Variants in DCC observed in about 807,000 individuals in gnomAD.
DCC encodes the protein DCC netrin 1 receptor.
In DCC, 58 loss-of-function variants were observed where a neutral mutation model predicts 172.5. The ratio of observed to expected loss-of-function variants is 0.34; its 90% CI spans 0.27 to 0.42. The LOEUF (loss-of-function observed/expected upper bound fraction) is 0.42, where lower values mean the gene tolerates loss of function less well. Ranked by LOEUF, DCC falls within the 10% of genes least tolerant of loss-of-function variation. The pLI, the probability that DCC is intolerant of heterozygous loss-of-function variation, is 1.00. For synonymous variants in DCC, 709 were observed against 644.5 expected (o/e 1.10, Z -1.52); for missense variants, 1,740 against 1,791.0 (o/e 0.97, Z 0.51).
intron 1 of DCC, among the ~76,000 whole-genome samples, chr18:52,450,421 T>C (rs186562570): frequency 1.3e-5 from 2 of 152,360 alleles, no homozygotes; most frequent in South Asian, 2.1e-4. Context: ...ACCATCCATG[T>C]AGTTTGTTCT....
chr18:52,786,439 A>C (rs9941425), intron 2 of DCC, among the ~76,000 whole-genome samples: 6,561 of 152,200 alleles, frequency 0.043, 220 homozygotes, highest in South Asian at 0.16. Flanking sequence ...CATAACTTTT[A>C]TCTCTCCAGT....
chr18:52,426,759 A>T, intron 1 of DCC, among the ~76,000 whole-genome samples: 1 of 150,702 alleles, frequency 6.6e-6, no homozygotes, highest in Non-Finnish European at 1.5e-5. Context: ...GCAATTTTAT[A>T]TTACTTTTTC....
rs150514500 is a variant in DCC, at chr18:53,180,874, A to G, written c.1573+1758A>G. Reference sequence around the variant, plus strand: ...GTGATCCCCCTGCCTCGGCCTCCCAATGTGCTAGGATTACAGGCAGGAGCC... The same window carrying G: ...GTGATCCCCCTGCCTCGGCCTCCCAGTGTGCTAGGATTACAGGCAGGAGCC... On this transcript the variant is annotated intron_variant, in intron 9 of 28. Transcript: ENST00000442544. 3.9e-4 allele frequency among the ~76,000 whole-genome samples: 59 copies of G among 152,188 alleles called. No homozygotes were observed. The East Asian group carries it at 0.01, about 27-fold the overall frequency.
At chr18:52,387,457 C>T (rs1985845641) in intron 1 of DCC, among the ~76,000 whole-genome samples, 1 of 152,112 alleles carries the variant, frequency 6.6e-6, no homozygotes, top group Non-Finnish European at 1.5e-5. Flanking sequence ...CAGCAATCTC[C>T]TTCTGCAAGC....
intron 2 of DCC, among the ~76,000 whole-genome samples, chr18:52,837,210 T>A (rs2038722358): frequency 6.6e-6 from 1 of 152,196 alleles, no homozygotes; most frequent in Non-Finnish European, 1.5e-5. Context: ...TGGTAGGATC[T>A]GCTGTGAAGT....
intron 12 of DCC, among the ~76,000 whole-genome samples, chr18:53,301,344 C>T (rs1157823447): frequency 6.6e-6 from 1 of 152,030 alleles, no homozygotes; most frequent in Non-Finnish European, 1.5e-5. Flanking sequence ...CTGCCTCGGC[C>T]TCCCAAAGTG....
chr18:53,254,364 G>A (rs1198658142), intron 12 of DCC, among the ~76,000 whole-genome samples: 2 of 151,944 alleles, frequency 1.3e-5, no homozygotes, highest in African/African-American at 4.8e-5. Flanking sequence ...CTCTGGGATG[G>A]TATCAACCCC....
chr18:53,027,825 A>ATT (rs567058002), intron 5 of DCC, among the ~76,000 whole-genome samples: 16 of 149,392 alleles, frequency 1.1e-4, no homozygotes, highest in African/African-American at 3.7e-4. Flanking sequence ...AAGAGCAGTT[A>ATT]TTTTTTTTTT....
In DCC at chr18:53,150,058, T is replaced by G. The variant is rs77818743; in HGVS notation, c.1262-7298T>G. ...CACACCTACTTTGTTTGGCACAATG[T>G]AGAAAGCTTGCCACCAGGGCTTCCT... On this transcript the variant is annotated intron_variant, in intron 7 of 28. Coordinates refer to ENST00000442544, the MANE Select transcript of DCC (RefSeq NM_005215.4). Among the ~76,000 whole-genome samples the G allele has an allele frequency of 5.6e-3, 859 of 152,304 alleles. 6 individuals carry two copies. The highest frequency in any genetic ancestry group is 0.023 in the Admixed American group (352 of 15,300).
intron 1 of DCC, among the ~76,000 whole-genome samples, chr18:52,360,255 G>T (rs1466629508): frequency 6.6e-6 from 1 of 152,190 alleles, no homozygotes; most frequent in East Asian, 1.9e-4. Flanking sequence ...AAATGTCACA[G>T]TTTTCACTAA....
intron 1 of DCC, among the ~76,000 whole-genome samples, chr18:52,440,580 C>G (rs914377446): frequency 6.6e-6 from 1 of 152,168 alleles, no homozygotes; most frequent in Non-Finnish European, 1.5e-5. Context: ...CAGTAAATGC[C>G]TCACACAATG....
intron 7 of DCC, among the ~76,000 whole-genome samples, chr18:53,101,829 T>A (rs10469018): frequency 3.0e-5 from 2 of 65,834 alleles, no homozygotes; most frequent in South Asian, 4.0e-4. Flanking sequence ...GTGTGTGTAT[T>A]TGTGTGTGTG....
At chr18:53,408,066 A>T (rs149268774) in intron 19 of DCC, among the ~76,000 whole-genome samples, 1 of 152,238 alleles carries the variant, frequency 6.6e-6, no homozygotes, top group Non-Finnish European at 1.5e-5. Flanking sequence ...TTCATCATTG[A>T]CATCACAACA....
chr18:52,584,080 G>A (rs573092897), intron 1 of DCC, among the ~76,000 whole-genome samples: 8 of 152,146 alleles, frequency 5.3e-5, no homozygotes, highest in Non-Finnish European at 1.0e-4. Context: ...GGATCTGAAG[G>A]TTGCAGTAAT....
In DCC at chr18:53,467,956, C is replaced by T. The variant is rs771557879; in HGVS notation, c.3682C>T (p.Arg1228Ter). Reference sequence around the variant, plus strand: ...TCTGGAGAGGTCGCTGGCTGCACGCCGAGCCCCCCGGGCCAAGCTCATGAT... The same window carrying T: ...TCTGGAGAGGTCGCTGGCTGCACGCTGAGCCCCCCGGGCCAAGCTCATGAT... ...STLERSLAAR[R>*]APRAKLMIPM... Residue 1228 changes from arginine to a stop codon, truncating the protein, a stop_gained, in exon 25 of 29, where the codon CGA becomes TGA. Transcript: ENST00000442544. LOFTEE classifies it high-confidence loss of function. 1.2e-6 allele frequency: 2 copies of T among 1,613,000 alleles called. No homozygotes were observed. The highest frequency in any genetic ancestry group is 1.7e-5 in the Admixed American group (1 of 59,990).
intron 5 of DCC, among the ~76,000 whole-genome samples, chr18:53,019,374 G>C (rs1317654071): frequency 6.6e-6 from 1 of 152,084 alleles, no homozygotes; most frequent in Non-Finnish European, 1.5e-5. Flanking sequence ...TTTCAGATAG[G>C]AAATGAGACT....
intron 1 of DCC, among the ~76,000 whole-genome samples, chr18:52,462,655 A>G (rs1598838110): frequency 1.3e-5 from 2 of 151,994 alleles, no homozygotes; most frequent in Non-Finnish European, 2.9e-5. Flanking sequence ...ATTTTTCTCC[A>G]TAGGACTCAC....
intron 5 of DCC, among the ~76,000 whole-genome samples, chr18:52,960,210 C>T (rs1330217941): frequency 6.6e-6 from 1 of 152,010 alleles, no homozygotes; most frequent in Non-Finnish European, 1.5e-5. Context: ...ATATTACAAA[C>T]CTTGTAGTGT....
intron 1 of DCC, among the ~76,000 whole-genome samples, chr18:52,431,155 T>C (rs995024291): frequency 1.3e-5 from 2 of 152,102 alleles, no homozygotes; most frequent in Non-Finnish European, 2.9e-5. Flanking sequence ...CCTTGGACAC[T>C]CACCCAAATA....
Sources: allele counts gnomAD v4.1 joint callset (sites outside exome capture counted in the v4.1 genomes callset), GRCh38; gene constraint gnomAD v4.1.1; transcripts MANE v1.5; gene names NCBI Gene and HGNC (gene_info 2026-07-23, HGNC 2026-07-21).